The following SLC39A9 variants were observed in gnomAD, a reference collection of about 807,000 sequenced individuals.
SLC39A9 encodes the protein zinc transporter ZIP9.
A neutral mutation model predicts 28.4 loss-of-function variants in SLC39A9; 14 were observed. The observed-to-expected ratio is 0.49, with a 90% confidence interval of 0.33 to 0.77. SLC39A9 has a LOEUF of 0.77. SLC39A9 is among the 30% of genes least tolerant of loss of function. The probability of loss-of-function intolerance (pLI) is 0.02; values close to 1 mark genes in which losing one functional copy is unlikely to be tolerated. For synonymous variants in SLC39A9, 119 were observed against 149.6 expected (o/e 0.80, Z 1.49); for missense variants, 283 against 381.1 (o/e 0.74, Z 2.14).
intron 2 of SLC39A9, among the ~76,000 whole-genome samples, chr14:69,440,371 C>T (rs1040507430): frequency 3.3e-5 from 5 of 152,050 alleles, no homozygotes; most frequent in African/African-American, 1.2e-4. Flanking sequence ...ATCACTTGAG[C>T]TCAGGAGTTT....
chr14:69,425,895 A>T (rs1884162101), intron 2 of SLC39A9, among the ~76,000 whole-genome samples: 1 of 151,504 alleles, frequency 6.6e-6, no homozygotes, highest in African/African-American at 2.4e-5. Flanking sequence ...CAATTCCGGG[A>T]CTCAAGCGAT....
chr14:69,411,211 CAAAAAAAAA>C (rs35337440), intron 1 of SLC39A9, among the ~76,000 whole-genome samples: 1 of 74,764 alleles, frequency 1.3e-5, no homozygotes, highest in Non-Finnish European at 2.6e-5. Flanking sequence ...GATTCCATCT[CAAAAAAAAA>C]AAAAAAAAAA....
chr14:69,458,309 G>A (rs1885962754), intron 6 of SLC39A9, 54 bp from the exon 7 acceptor site: 7 of 1,595,092 alleles, frequency 4.4e-6, no homozygotes, highest in Non-Finnish European at 6.0e-6. Flanking sequence ...ACTTCTTCCT[G>A]ACCCTGAATT....
At chr14:69,401,878 A>G (rs538325641) in intron 1 of SLC39A9, among the ~76,000 whole-genome samples, 1 of 152,234 alleles carries the variant, frequency 6.6e-6, no homozygotes, top group Non-Finnish European at 1.5e-5. Flanking sequence ...TAGGATTTCT[A>G]TCTCCTAGGA....
In SLC39A9 at chr14:69,459,151, A is replaced by T; in HGVS notation, c.*558A>T. 1 of 986,108 alleles carries T rather than the reference A, an allele frequency of 1.0e-6. No homozygotes were observed. Among genetic ancestry groups the T allele is most frequent in the Non-Finnish European group, 1.2e-6 (1 of 830,196 alleles). The allele number at this position is 986,108 out of a possible 1,614,324, so 61.1% of individuals were successfully genotyped here. On this transcript the variant is annotated 3_prime_UTR_variant, in exon 7 of 7. Coordinates refer to ENST00000336643, the MANE Select transcript of SLC39A9 (RefSeq NM_018375.5). ...CTGGGATTAGGGTCAGGAAAATGAT[A>T]GCAAGACACATTGAAAGCTCTCTTT...
intron 1 of SLC39A9, among the ~76,000 whole-genome samples, chr14:69,416,377 G>C (rs1277402686): frequency 6.6e-6 from 1 of 152,164 alleles, no homozygotes; most frequent in Non-Finnish European, 1.5e-5. Flanking sequence ...ATCGTTGATG[G>C]ACATTTGGGT....
At chr14:69,417,714 T>C (rs1883654973) in intron 1 of SLC39A9, among the ~76,000 whole-genome samples, 1 of 152,214 alleles carries the variant, frequency 6.6e-6, no homozygotes, top group Non-Finnish European at 1.5e-5. Flanking sequence ...GATTCCTAGG[T>C]ATTTTATTCT....
chr14:69,457,585 G>T (rs7155178), intron 6 of SLC39A9, among the ~76,000 whole-genome samples: 1 of 152,058 alleles, frequency 6.6e-6, no homozygotes, highest in Non-Finnish European at 1.5e-5. Context: ...CCAGAGCCTG[G>T]TGCATAGATG....
chr14:69,430,714 T>C (rs1050133636), intron 2 of SLC39A9, among the ~76,000 whole-genome samples: 1 of 150,894 alleles, frequency 6.6e-6, no homozygotes, highest in Non-Finnish European at 1.5e-5. Flanking sequence ...CACTGTGACC[T>C]TGAACTCCTG....
In SLC39A9 at chr14:69,461,237, T is replaced by G. The variant is rs1886098645; in HGVS notation, c.*2644T>G. The G allele has an allele frequency of 1.0e-6, 1 of 987,898 alleles. No individual in the cohort carries two copies. The highest frequency in any genetic ancestry group is 1.7e-5 in the African/African-American group (1 of 57,296). The allele number at this position is 987,898 out of a possible 1,614,324, so 61.2% of individuals were successfully genotyped here. On this transcript the variant is annotated 3_prime_UTR_variant, in exon 7 of 7. Coordinates refer to ENST00000336643, the MANE Select transcript of SLC39A9 (RefSeq NM_018375.5). Reference sequence around the variant, plus strand: ...TTAATTGCAATTTGACTCCGTTTCCTTGGTAGGGATAGACTTTCTTCAGAT... The same window carrying G: ...TTAATTGCAATTTGACTCCGTTTCCGTGGTAGGGATAGACTTTCTTCAGAT...
intron 3 of SLC39A9, among the ~76,000 whole-genome samples, chr14:69,443,802 G>A (rs1594940821): frequency 6.6e-6 from 1 of 152,264 alleles, no homozygotes; most frequent in East Asian, 1.9e-4. Context: ...CCAGGAGGTT[G>A]AGGCTGCAGT....
rs955137285 is a variant in SLC39A9, at chr14:69,460,417, A to C, written c.*1824A>C. 1.0e-6 allele frequency: 1 copy of C among 985,354 alleles called. No homozygotes were observed. Among genetic ancestry groups the C allele is most frequent in the Non-Finnish European group, 1.2e-6 (1 of 829,954 alleles). The allele number at this position is 985,354 out of a possible 1,614,324, so 61.0% of individuals were successfully genotyped here. A position where few individuals can be genotyped will look rare whatever the true frequency, so the allele number is the denominator to read the frequency against. ...GAGAAGGTATAGTATGGAAAGTCCA[A>C]ATGACTTCCTTGATTGGATGTTAAC... On this transcript the variant is annotated 3_prime_UTR_variant, in exon 7 of 7. Coordinates refer to ENST00000336643, the MANE Select transcript of SLC39A9 (RefSeq NM_018375.5).
intron 1 of SLC39A9, among the ~76,000 whole-genome samples, chr14:69,419,712 T>G (rs1488700953): frequency 6.6e-6 from 1 of 152,248 alleles, no homozygotes; most frequent in East Asian, 1.9e-4. Context: ...ATGTTTAGGA[T>G]AGTTAGCTCT....
chr14:69,442,360 A>G, intron 3 of SLC39A9, 94 bp downstream of exon 3: 1 of 1,191,830 alleles, frequency 8.4e-7, no homozygotes, highest in Admixed American at 2.0e-5. Flanking sequence ...CAGTGGCCAT[A>G]TTTAGTGCTA....
Position 69,458,417 on chromosome 14 carries a change from T to G in SLC39A9, c.748T>G (p.Ser250Ala). 1 of 1,614,274 alleles carries G rather than the reference T, an allele frequency of 6.2e-7. No individual in the cohort carries two copies. The highest frequency in any genetic ancestry group is 8.5e-7 in the Non-Finnish European group (1 of 1,180,044). The part of the protein sequence containing the change: ...VNATGVAMLF[S>A]AGTFLYVATV... ...CGCCACGGGAGTGGCCATGCTTTTC[T>G]CTGCCGGGACATTTCTTTATGTTGC... Residue 250 changes from serine to alanine, a missense_variant, in exon 7 of 7, where the codon TCT becomes GCT. Coordinates refer to ENST00000336643, the MANE Select transcript of SLC39A9 (RefSeq NM_018375.5).
intron 2 of SLC39A9, among the ~76,000 whole-genome samples, chr14:69,436,318 C>T (rs575009458): frequency 6.6e-6 from 1 of 152,094 alleles, no homozygotes; most frequent in African/African-American, 2.4e-5. Context: ...TTAAGTAAGT[C>T]TTTGAATGTT....
At chr14:69,440,253 C>G (rs918924418) in intron 2 of SLC39A9, among the ~76,000 whole-genome samples, 1 of 152,094 alleles carries the variant, frequency 6.6e-6, no homozygotes, top group Non-Finnish European at 1.5e-5. Context: ...TGCCACTGCA[C>G]TCCAACCTGG....
intron 3 of SLC39A9, among the ~76,000 whole-genome samples, chr14:69,450,000 A>T (rs1407821106): frequency 6.6e-6 from 1 of 152,032 alleles, no homozygotes. Context: ...AGCCTGGCCA[A>T]CATAGTGAAA....
At chr14:69,443,782 A>G (rs1292528064) in intron 3 of SLC39A9, among the ~76,000 whole-genome samples, 2 of 152,082 alleles carry the variant, frequency 1.3e-5, no homozygotes, top group Non-Finnish European at 1.5e-5. Flanking sequence ...GGCGGGAGGA[A>G]CGCTTGAGCC....
Sources: gnomAD v4.1 joint callset for allele counts (sites outside exome capture counted in the v4.1 genomes callset) on GRCh38, gnomAD v4.1.1 for gene constraint, MANE v1.5 for transcripts, NCBI Gene and HGNC (gene_info 2026-07-23, HGNC 2026-07-21) for gene names.